Variants in STXBP5L observed in about 807,000 individuals in gnomAD.
STXBP5L encodes syntaxin-binding protein 5-like.
In STXBP5L, 65 loss-of-function variants were observed where a neutral mutation model predicts 144.5. The observed-to-expected ratio is 0.45, with a 90% CI of 0.37 to 0.55. STXBP5L has a LOEUF of 0.55. Ranked by LOEUF, STXBP5L falls within the 20% of genes least tolerant of loss-of-function variation. STXBP5L has a pLI of 0.00. For missense variants in STXBP5L, 1,298 were observed against 1,405.5 expected (o/e 0.92, Z 1.22); for synonymous variants, 505 against 469.6 (o/e 1.08, Z -0.97).
chr3:121,313,225 C>T (rs370118695), intron 19 of STXBP5L, among the ~76,000 whole-genome samples: 3 of 143,580 alleles, frequency 2.1e-5, no homozygotes, highest in African/African-American at 5.3e-5. Context: ...GCTGACCCCC[C>T]CCACCTCCCT....
chr3:121,008,318 A>G (rs1944505408), intron 3 of STXBP5L, among the ~76,000 whole-genome samples: 1 of 151,974 alleles, frequency 6.6e-6, no homozygotes, highest in Admixed American at 6.6e-5. Flanking sequence ...GTTCTAAAGT[A>G]TCCAAGTGGT....
chr3:121,337,377 A>G (rs1350471762), intron 20 of STXBP5L, among the ~76,000 whole-genome samples: 3 of 151,880 alleles, frequency 2.0e-5, no homozygotes, highest in Non-Finnish European at 2.9e-5. Flanking sequence ...CCAATATAAG[A>G]AAAAGCAGCA....
intron 2 of STXBP5L, among the ~76,000 whole-genome samples, chr3:120,936,780 T>G (rs1373363269): frequency 6.6e-6 from 1 of 152,046 alleles, no homozygotes; most frequent in African/African-American, 2.4e-5. Context: ...CGGCTAATTT[T>G]TTTGTATTTT....
chr3:121,041,941 T>C (rs533422561), intron 4 of STXBP5L, among the ~76,000 whole-genome samples, 160 bp downstream of exon 4: 2 of 152,296 alleles, frequency 1.3e-5, no homozygotes, highest in South Asian at 2.1e-4. Flanking sequence ...ACTCCTGTAT[T>C]GGTTAATTTA....
intron 5 of STXBP5L, among the ~76,000 whole-genome samples, chr3:121,079,746 A>C (rs1025182113): frequency 6.6e-6 from 1 of 152,162 alleles, no homozygotes; most frequent in Admixed American, 6.5e-5. Flanking sequence ...GTGGCCTGTC[A>C]TGGTCTATCT....
At chr3:120,958,644 A>C (rs1267522084) in intron 3 of STXBP5L, among the ~76,000 whole-genome samples, 6 of 152,190 alleles carry the variant, frequency 3.9e-5, no homozygotes, top group Admixed American at 2.0e-4. Flanking sequence ...ACAGAACCAA[A>C]GACAAAAACC....
intron 18 of STXBP5L, among the ~76,000 whole-genome samples, chr3:121,268,520 A>G (rs1316097167): frequency 1.3e-5 from 2 of 152,164 alleles, no homozygotes; most frequent in Non-Finnish European, 2.9e-5. Flanking sequence ...AAACCTGCAC[A>G]TTCTGTACAT....
At chr3:121,084,603 A>G (rs1460599113) in intron 5 of STXBP5L, among the ~76,000 whole-genome samples, 1 of 152,156 alleles carries the variant, frequency 6.6e-6, no homozygotes, top group African/African-American at 2.4e-5. Context: ...TATTCAGTCT[A>G]TCATTGATGG....
At chr3:120,941,899 G>T (rs1375237942) in intron 2 of STXBP5L, among the ~76,000 whole-genome samples, 1 of 151,722 alleles carries the variant, frequency 6.6e-6, no homozygotes, top group Admixed American at 6.6e-5. Flanking sequence ...TGTCTTCACA[G>T]TGAGCTGAAT....
chr3:120,959,554 A>C lies in STXBP5L; in HGVS notation c.287+4517A>C, dbSNP rs553277010. ...GCATGGTACTGGTACCAAAACAGAG[A>C]TATAGACCAATGGAACAGAACAGAG... is the stretch of plus-strand genomic sequence containing the variant. On this transcript the variant is annotated intron_variant, in intron 3 of 26. Transcript: ENST00000471454. Among the ~76,000 whole-genome samples the C allele has an allele frequency of 5.8e-3, 883 of 152,322 alleles. 5 individuals carry two copies. Among genetic ancestry groups the C allele is most frequent in the Non-Finnish European group, 0.01 (708 of 68,018 alleles).
intron 3 of STXBP5L, among the ~76,000 whole-genome samples, chr3:120,994,045 G>GT (rs1943142323): frequency 6.6e-6 from 1 of 151,578 alleles, no homozygotes; most frequent in Admixed American, 6.6e-5. Context: ...TTTTATTTTT[G>GT]TGACTGTTGT....
At chr3:120,909,983 A>G (rs1400533719) in intron 2 of STXBP5L, among the ~76,000 whole-genome samples, 1 of 152,220 alleles carries the variant, frequency 6.6e-6, no homozygotes, top group Non-Finnish European at 1.5e-5. Flanking sequence ...AGCACACACA[A>G]AAAGTAGAAT....
chr3:121,061,805 G>A (rs1469755055), intron 5 of STXBP5L, among the ~76,000 whole-genome samples: 1 of 152,010 alleles, frequency 6.6e-6, no homozygotes, highest in Non-Finnish European at 1.5e-5. Context: ...GCTTTATTTT[G>A]CTTTCCATTT....
At chr3:121,095,664 G>T (rs1357638108) in intron 5 of STXBP5L, among the ~76,000 whole-genome samples, 1 of 152,044 alleles carries the variant, frequency 6.6e-6, no homozygotes, top group Non-Finnish European at 1.5e-5. Flanking sequence ...TCTGTACATT[G>T]GTTATTCTAG....
intron 22 of STXBP5L, among the ~76,000 whole-genome samples, chr3:121,401,651 A>T (rs950926313): frequency 1.1e-4 from 13 of 120,928 alleles, no homozygotes; most frequent in Non-Finnish European, 2.2e-4. Flanking sequence ...AGAACAAAAA[A>T]CCAAACACCG....
chr3:121,156,672 C>T (rs2046123687), intron 8 of STXBP5L, among the ~76,000 whole-genome samples: 1 of 151,834 alleles, frequency 6.6e-6, no homozygotes, highest in Non-Finnish European at 1.5e-5. Context: ...CCATAAATTC[C>T]ATATCCTTGG....
chr3:120,999,728 G>T (rs1298429367), intron 3 of STXBP5L, among the ~76,000 whole-genome samples: 1 of 152,024 alleles, frequency 6.6e-6, no homozygotes, highest in African/African-American at 2.4e-5. Flanking sequence ...TCATTTTCAG[G>T]ATTAGCACTT....
intron 9 of STXBP5L, among the ~76,000 whole-genome samples, chr3:121,191,621 T>A (rs1349560397): frequency 6.6e-6 from 1 of 152,096 alleles, no homozygotes. Flanking sequence ...TTGATGGGGA[T>A]GGCATTGATT....
At chr3:121,235,151 C>T (rs1303342184) in intron 12 of STXBP5L, among the ~76,000 whole-genome samples, 1 of 151,882 alleles carries the variant, frequency 6.6e-6, no homozygotes, top group Non-Finnish European at 1.5e-5. Context: ...CTAACATTTA[C>T]CTTCTTTAGC....
Sources: gnomAD v4.1 joint callset for allele counts (sites outside exome capture counted in the v4.1 genomes callset) on GRCh38, gnomAD v4.1.1 for gene constraint, MANE v1.5 for transcripts, NCBI Gene and HGNC (gene_info 2026-07-23, HGNC 2026-07-21) for gene names.